The following PXK variants were observed in gnomAD, a reference collection of about 807,000 sequenced individuals.
PXK encodes the protein PX domain containing serine/threonine kinase like, also known as PX domain-containing protein kinase-like protein.
In PXK, 35 loss-of-function variants were observed where a neutral mutation model predicts 84.7. That is an observed-to-expected ratio of 0.41 (90% CI 0.32 to 0.55). The LOEUF (loss-of-function observed/expected upper bound fraction) is 0.55. Among genes scored for constraint, PXK ranks in the 20% least tolerant of loss-of-function variants. The pLI, the probability that PXK is intolerant of heterozygous loss-of-function variation, is 0.21. For missense variants in PXK, 634 were observed against 699.7 expected, an observed-to-expected ratio of 0.91 and a Z score of 1.06; for synonymous variants, 253 against 260.8, an observed-to-expected ratio of 0.97 and a Z score of 0.29.
At chr3:58,334,963 G>C (rs868825331) in intron 1 of PXK, among the ~76,000 whole-genome samples, 5 of 134,658 alleles carry the variant, frequency 3.7e-5, no homozygotes, top group Admixed American at 1.4e-4. Context: ...GTGTGTCTGT[G>C]TGTGTGTGTG....
intron 1 of PXK, among the ~76,000 whole-genome samples, chr3:58,356,050 C>T (rs2098072043): frequency 1.3e-5 from 2 of 152,240 alleles, no homozygotes; most frequent in African/African-American, 4.8e-5. Flanking sequence ...AAATTCCCAG[C>T]ACATGATCAG....
intron 1 of PXK, among the ~76,000 whole-genome samples, chr3:58,341,526 C>T (rs994941281): frequency 1.3e-5 from 2 of 152,112 alleles, no homozygotes; most frequent in Non-Finnish European, 2.9e-5. Flanking sequence ...CATGCCACTG[C>T]ACTGCATCCT....
At chr3:58,405,357 A>G (rs2059228076) in intron 13 of PXK, among the ~76,000 whole-genome samples, 3 of 152,132 alleles carry the variant, frequency 2.0e-5, no homozygotes, top group Non-Finnish European at 4.4e-5. Flanking sequence ...TTCCAGGACC[A>G]GACTCCTCAT....
intron 17 of PXK, chr3:58,420,753 A>C (rs2061702916): frequency 7.1e-7 from 1 of 1,405,216 alleles, no homozygotes. Flanking sequence ...GACTTCATCT[A>C]TATTCATTTC....
intron 3 of PXK, among the ~76,000 whole-genome samples, chr3:58,381,910 G>C (rs2098506925): frequency 1.3e-5 from 2 of 152,156 alleles, no homozygotes; most frequent in African/African-American, 4.8e-5. Flanking sequence ...GCAGGGGTAA[G>C]GGGTGTCATG....
chr3:58,345,083 A>G (rs941514369), intron 1 of PXK, among the ~76,000 whole-genome samples: 2 of 152,184 alleles, frequency 1.3e-5, no homozygotes, highest in Admixed American at 1.3e-4. Flanking sequence ...AAAAAGATGA[A>G]TGAAGCAGGG....
At chr3:58,375,736 G>A (rs546148744) in intron 3 of PXK, among the ~76,000 whole-genome samples, 1 of 152,142 alleles carries the variant, frequency 6.6e-6, no homozygotes, top group South Asian at 2.1e-4. Flanking sequence ...GTGTGTGAGC[G>A]CACCCTGACA....
intron 7 of PXK, among the ~76,000 whole-genome samples, chr3:58,394,003 G>A (rs1378013876): frequency 6.6e-6 from 1 of 152,182 alleles, no homozygotes; most frequent in Non-Finnish European, 1.5e-5. Flanking sequence ...TGAATATACT[G>A]AAAATCATTG....
At chr3:58,362,817 A>G (rs142413199) in intron 1 of PXK, among the ~76,000 whole-genome samples, 1 of 152,254 alleles carries the variant, frequency 6.6e-6, no homozygotes, top group East Asian at 1.9e-4. Context: ...AGGCTCAAGC[A>G]ATTCTCCTTC....
intron 1 of PXK, among the ~76,000 whole-genome samples, chr3:58,351,339 C>T (rs1161370737): frequency 4.6e-5 from 7 of 152,044 alleles, no homozygotes; most frequent in Admixed American, 2.6e-4. Flanking sequence ...GTGATCCACC[C>T]GCCTCAGCCC....
At chr3:58,353,302 G>C (rs1451302474) in intron 1 of PXK, among the ~76,000 whole-genome samples, 1 of 152,118 alleles carries the variant, frequency 6.6e-6, no homozygotes, top group Admixed American at 6.6e-5. Flanking sequence ...CGGTCTCTAT[G>C]AATTAGATTT....
chr3:58,342,820 A>G (rs2097761228), intron 1 of PXK, among the ~76,000 whole-genome samples: 3 of 152,174 alleles, frequency 2.0e-5, no homozygotes. Flanking sequence ...TCTTAGTTTG[A>G]AAACAAATTG....
At chr3:58,388,646 G>A (rs2098590644) in intron 4 of PXK, among the ~76,000 whole-genome samples, 1 of 124,416 alleles carries the variant, frequency 8.0e-6, no homozygotes. Context: ...TGTGAATGGA[G>A]CCAGTTTTGT....
At chr3:58,422,472 C>T in intron 17 of PXK, 1 of 985,372 alleles carries the variant, frequency 1.0e-6, no homozygotes, top group Non-Finnish European at 1.2e-6. Flanking sequence ...ATCTGCTTTA[C>T]TGGAGCCCTG....
At position 58,336,059 on chromosome 3, in the gene PXK, ATATATATATATATT is replaced by A. The variant is rs1392607999; in HGVS notation, c.102+2971_102+2984del. Among the ~76,000 whole-genome samples, 494 of 58,306 alleles carry A rather than the reference ATATATATATATATT, an allele frequency of 8.5e-3. 4 individuals are homozygous for A. Among genetic ancestry groups the A allele is most frequent in the African/African-American group, 0.04 (440 of 10,930 alleles). 38.3% of individuals were successfully genotyped at this position (58,306 alleles called of 152,430 possible). ...GAAACATATATATATATATATATAT[ATATATATATATATT>A]TTTTTTTTTTTTTTTTAATACCAAT... On this transcript the variant is annotated intron_variant, in intron 1 of 17. Coordinates refer to ENST00000356151, the MANE Select transcript of PXK (RefSeq NM_017771.5).
intron 7 of PXK, among the ~76,000 whole-genome samples, chr3:58,392,231 A>G (rs184072796): frequency 3.3e-5 from 5 of 152,306 alleles, no homozygotes; most frequent in Non-Finnish European, 5.9e-5. Flanking sequence ...AAAAGGCAAA[A>G]TAGCCATTTT....
At chr3:58,354,399 T>A (rs948264570) in intron 1 of PXK, among the ~76,000 whole-genome samples, 1 of 151,758 alleles carries the variant, frequency 6.6e-6, no homozygotes, top group Non-Finnish European at 1.5e-5. Context: ...ATCTGTTTCC[T>A]TCCACTCATG....
chr3:58,384,940 A>G (rs1177078870), intron 4 of PXK, among the ~76,000 whole-genome samples: 1 of 152,148 alleles, frequency 6.6e-6, no homozygotes, highest in Non-Finnish European at 1.5e-5. Flanking sequence ...GAATGAGTTC[A>G]CCTAAGGCCC....
At chr3:58,384,704 G>A (rs762178198) in intron 4 of PXK, among the ~76,000 whole-genome samples, 16 of 152,134 alleles carry the variant, frequency 1.1e-4, no homozygotes, top group Non-Finnish European at 1.8e-4. Context: ...CATTCCCTGC[G>A]AGTGCTTGCT....
Sources: allele counts gnomAD v4.1 joint callset (sites outside exome capture counted in the v4.1 genomes callset), GRCh38; gene constraint gnomAD v4.1.1; transcripts MANE v1.5; gene names NCBI Gene and HGNC (gene_info 2026-07-23, HGNC 2026-07-21).